Variants in ATP9B observed in about 807,000 individuals in gnomAD.
The protein encoded by ATP9B is ATPase phospholipid transporting 9B.
In ATP9B, 110 loss-of-function variants were observed where a neutral mutation model predicts 146.1. The ratio of observed to expected loss-of-function variants is 0.75; its 90% CI spans 0.65 to 0.88. ATP9B has a LOEUF of 0.88. Among genes scored for constraint, ATP9B ranks in the 40% least tolerant of loss-of-function variants. ATP9B has a pLI of 0.00. For synonymous variants in ATP9B, 604 were observed against 569.7 expected (o/e 1.06, Z -0.86); for missense variants, 1,499 against 1,496.4 (o/e 1.00, Z -0.03).
chr18:79,150,178 C>G (rs368956982), intron 6 of ATP9B, among the ~76,000 whole-genome samples: 2 of 152,038 alleles, frequency 1.3e-5, no homozygotes, highest in African/African-American at 2.4e-5. Context: ...CAGTATGCAT[C>G]TATCAGAACA....
At chr18:79,305,622 A>T (rs2096616593) in intron 14 of ATP9B, among the ~76,000 whole-genome samples, 1 of 152,240 alleles carries the variant, frequency 6.6e-6, no homozygotes, top group Non-Finnish European at 1.5e-5. Context: ...TTATCTATGA[A>T]TGTAATTTTA....
At chr18:79,225,923 T>C (rs1180947340) in intron 11 of ATP9B, among the ~76,000 whole-genome samples, 1 of 152,012 alleles carries the variant, frequency 6.6e-6, no homozygotes, top group Non-Finnish European at 1.5e-5. Context: ...GGCCACTGTC[T>C]TCAGCGTCTG....
At chr18:79,173,753 G>T (rs1415407265) in intron 7 of ATP9B, 1 of 455,810 alleles carries the variant, frequency 2.2e-6, no homozygotes, top group South Asian at 1.5e-5. Flanking sequence ...AAAATCTGGT[G>T]GGCTGATTTC....
intron 5 of ATP9B, among the ~76,000 whole-genome samples, chr18:79,138,497 G>A (rs999609886): frequency 8.5e-5 from 13 of 152,102 alleles, no homozygotes; most frequent in Admixed American, 8.5e-4. Context: ...TTACTTAAAC[G>A]ATATGCCTCA....
rs146279891 is a variant in ATP9B at position 79,296,008 on chromosome 18, T to A, written c.1412-7596T>A. ...TTAATTTTTATTTTTTGAGACAGGGTCTTGCTCTGTCACCTGGGCTGGTTT... is the reference window on the plus strand; with the variant it reads ...TTAATTTTTATTTTTTGAGACAGGGACTTGCTCTGTCACCTGGGCTGGTTT... On this transcript the variant is annotated intron_variant, in intron 13 of 29. Transcript: ENST00000426216. 8.3e-3 allele frequency among the ~76,000 whole-genome samples: 1,261 copies of A among 152,296 alleles called. 11 individuals are homozygous for A. Among genetic ancestry groups the A allele is most frequent in the African/African-American group, 0.021 (859 of 41,564 alleles).
intron 25 of ATP9B, among the ~76,000 whole-genome samples, chr18:79,356,713 G>C (rs1489369410): frequency 6.6e-6 from 1 of 152,266 alleles, no homozygotes; most frequent in African/African-American, 2.4e-5. Context: ...ATGGGGAACG[G>C]ATTCATGGTG....
At chr18:79,290,968 C>A (rs1350037608) in intron 13 of ATP9B, among the ~76,000 whole-genome samples, 2 of 152,072 alleles carry the variant, frequency 1.3e-5, no homozygotes, top group African/African-American at 4.8e-5. Context: ...AGGGGTGAGG[C>A]CAATTCACAA....
rs1422411387 is a variant in ATP9B, at chr18:79,377,299, C to T, written c.3360C>T (p.Thr1120=). Residue 1120 remains threonine (T), a synonymous_variant, in exon 30 of 30, where the codon ACC becomes ACT. Coordinates refer to ENST00000426216, the MANE Select transcript of ATP9B (RefSeq NM_198531.5). ...VTFLWKVSAI[T]VVSCLPLYVL... is the part of the protein sequence containing the mutation. ...TCCTGTGGAAAGTGTCGGCGATCAC[C>T]GTGGTCAGCTGCCTCCCGCTGTATG... is the stretch of plus-strand genomic sequence containing the variant. 1.7e-5 allele frequency: 28 copies of T among 1,612,498 alleles called. No individual in the cohort carries two copies. The highest frequency in any genetic ancestry group is 3.3e-5 in the South Asian group (3 of 91,072).
chr18:79,376,615 C>T (rs905059670), intron 29 of ATP9B, among the ~76,000 whole-genome samples: 1 of 152,058 alleles, frequency 6.6e-6, no homozygotes, highest in African/African-American at 2.4e-5. Flanking sequence ...GTCTCAAACT[C>T]CTGACCTCAG....
intron 10 of ATP9B, 76 bp downstream of exon 10, chr18:79,207,088 A>T (rs1186952261): frequency 1.4e-6 from 2 of 1,424,404 alleles, no homozygotes; most frequent in Non-Finnish European, 2.0e-6. Flanking sequence ...GACTCCAAAC[A>T]AGGGTTTCTC....
intron 4 of ATP9B, among the ~76,000 whole-genome samples, chr18:79,116,874 TA>T (rs2094086007): frequency 9.4e-6 from 1 of 106,560 alleles, no homozygotes; most frequent in Non-Finnish European, 1.8e-5. Flanking sequence ...TATACATATG[TA>T]ACTAACCTGC....
At chr18:79,332,168 G>C (rs61666233) in intron 17 of ATP9B, among the ~76,000 whole-genome samples, 8,932 of 148,376 alleles carry the variant, frequency 0.06, 476 homozygotes, top group African/African-American at 0.14. Flanking sequence ...GGTGGCTTAC[G>C]CCTGTAATGC....
chr18:79,333,478 G>C (rs1289156428), intron 17 of ATP9B, among the ~76,000 whole-genome samples: 3 of 152,164 alleles, frequency 2.0e-5, no homozygotes, highest in Non-Finnish European at 4.4e-5. Flanking sequence ...AACTTGTTTA[G>C]GATATCCTTG....
At position 79,345,390 on chromosome 18, in the gene ATP9B, C is replaced by T. The variant is rs201569715; in HGVS notation, c.2473-38C>T. Reference sequence around the variant, plus strand: ...TTACACAAATCTGGGACACTGTTGTCGACCATAAGGCAAAATAACACAGGC... The same window carrying T: ...TTACACAAATCTGGGACACTGTTGTTGACCATAAGGCAAAATAACACAGGC... On this transcript the variant is annotated intron_variant, in intron 21 of 29. Transcript: ENST00000426216. 274 of 1,605,204 alleles carry T rather than the reference C, an allele frequency of 1.7e-4. No individual in the cohort carries two copies. In the African/African-American group the frequency reaches 3.1e-3, roughly 18 times the overall value.
At chr18:79,256,951 T>C (rs555273554) in intron 12 of ATP9B, among the ~76,000 whole-genome samples, 1 of 152,354 alleles carries the variant, frequency 6.6e-6, no homozygotes, top group African/African-American at 2.4e-5. Context: ...TTAATGATTA[T>C]GTTTGAAGTA....
intron 1 of ATP9B, chr18:79,087,272 T>C (rs2073926250): frequency 1.3e-5 from 2 of 152,366 alleles, no homozygotes; most frequent in South Asian, 4.1e-4. Context: ...TTAGGCACTA[T>C]CTTCTAAGAC....
chr18:79,071,169 A>T (rs533240564), intron 1 of ATP9B, among the ~76,000 whole-genome samples: 8 of 150,388 alleles, frequency 5.3e-5, no homozygotes, highest in African/African-American at 2.0e-4. Flanking sequence ...GTATTACAAT[A>T]TACAAATGTG....
chr18:79,163,389 A>T (rs1277493437), intron 7 of ATP9B, among the ~76,000 whole-genome samples: 2 of 152,258 alleles, frequency 1.3e-5, no homozygotes, highest in East Asian at 3.8e-4. Context: ...TTTTAGAAAC[A>T]CAGAATACAG....
chr18:79,337,832 G>A (rs751817714), intron 19 of ATP9B, among the ~76,000 whole-genome samples: 13 of 152,236 alleles, frequency 8.5e-5, no homozygotes, highest in South Asian at 8.3e-4. Flanking sequence ...CCAGATGTCT[G>A]CAGCCATTCC....
Sources: gnomAD v4.1 joint callset for allele counts (sites outside exome capture counted in the v4.1 genomes callset) on GRCh38, gnomAD v4.1.1 for gene constraint, MANE v1.5 for transcripts, NCBI Gene and HGNC (gene_info 2026-07-23, HGNC 2026-07-21) for gene names.